The following PDLIM5 variants were observed in gnomAD, a reference collection of about 807,000 sequenced individuals.
PDLIM5 encodes the protein PDZ and LIM domain 5, also known as PDZ and LIM domain protein 5.
In PDLIM5, 34 loss-of-function variants were observed where a neutral mutation model predicts 64.2. The ratio of observed to expected loss-of-function variants is 0.53; its 90% CI spans 0.40 to 0.71. PDLIM5 has a LOEUF of 0.71. PDLIM5 is among the 30% of genes least tolerant of loss of function. The pLI, the probability that PDLIM5 is intolerant of heterozygous loss-of-function variation, is 0.00. For synonymous variants in PDLIM5, 253 were observed against 269.1 expected (o/e 0.94, Z 0.59); for missense variants, 683 against 733.6 (o/e 0.93, Z 0.80).
At chr4:94,531,915 A>G (rs1180467809) in intron 3 of PDLIM5, among the ~76,000 whole-genome samples, 2 of 151,864 alleles carry the variant, frequency 1.3e-5, no homozygotes, top group Non-Finnish European at 2.9e-5. Context: ...AAAAGATCCT[A>G]TATGTTAGAG....
At chr4:94,583,419 T>C (rs1179976341) in intron 5 of PDLIM5, among the ~76,000 whole-genome samples, 1 of 152,136 alleles carries the variant, frequency 6.6e-6, no homozygotes, top group Non-Finnish European at 1.5e-5. Flanking sequence ...ACACTTGAAA[T>C]TGGCATCATT....
At chr4:94,524,830 C>A (rs17021720) in intron 3 of PDLIM5, among the ~76,000 whole-genome samples, 20,495 of 151,954 alleles carry the variant, frequency 0.13, 2,362 homozygotes, top group African/African-American at 0.32. Context: ...TTATGACTTA[C>A]AAAGTTTGAT....
At chr4:94,611,188 T>A (rs1738335854) in intron 7 of PDLIM5, 1 of 1,534,994 alleles carries the variant, frequency 6.5e-7, no homozygotes, top group Admixed American at 2.0e-5. Context: ...TCTATCCATG[T>A]TAAGAAAACA....
At chr4:94,607,223 T>A (rs1738000767) in intron 7 of PDLIM5, among the ~76,000 whole-genome samples, 1 of 152,110 alleles carries the variant, frequency 6.6e-6, no homozygotes, top group African/African-American at 2.4e-5. Flanking sequence ...CATTTGAAAA[T>A]CAGTGTAACA....
intron 3 of PDLIM5, among the ~76,000 whole-genome samples, chr4:94,527,027 G>T (rs1434854696): frequency 7.0e-6 from 1 of 143,552 alleles, no homozygotes; most frequent in African/African-American, 2.6e-5. Context: ...GAGCCATTGC[G>T]CCCGGCCTGA....
At chr4:94,623,194 C>CCCA (rs3975193) in intron 8 of PDLIM5, among the ~76,000 whole-genome samples, 151,487 of 152,216 alleles carry the variant, frequency 1, 75,380 homozygotes, top group East Asian at 1. Context: ...CTGTCTGCTG[C>CCCA]TGGTCAAAAT....
At chr4:94,558,490 C>A (rs1292093466) in intron 3 of PDLIM5, among the ~76,000 whole-genome samples, 1 of 152,098 alleles carries the variant, frequency 6.6e-6, no homozygotes, top group Non-Finnish European at 1.5e-5. Context: ...TTTCCATTTT[C>A]CTGTCTACAT....
intron 8 of PDLIM5, among the ~76,000 whole-genome samples, chr4:94,634,636 C>T (rs1740412997): frequency 6.6e-6 from 1 of 152,166 alleles, no homozygotes; most frequent in African/African-American, 2.4e-5. Context: ...TGATTAACTT[C>T]ATGCCTATTC....
At chr4:94,612,629 A>G (rs934180477) in intron 7 of PDLIM5, among the ~76,000 whole-genome samples, 5 of 152,160 alleles carry the variant, frequency 3.3e-5, no homozygotes, top group Admixed American at 6.5e-5. Flanking sequence ...AGTCATCACC[A>G]TTGCTTCTTA....
At chr4:94,655,509 T>A (rs529873779) in intron 10 of PDLIM5, among the ~76,000 whole-genome samples, 21 of 152,184 alleles carry the variant, frequency 1.4e-4, no homozygotes, top group Non-Finnish European at 2.5e-4. Flanking sequence ...TTAAGATATC[T>A]CTTAGGATAT....
intron 3 of PDLIM5, among the ~76,000 whole-genome samples, chr4:94,537,584 T>A (rs1731422395): frequency 6.6e-6 from 1 of 152,164 alleles, no homozygotes. Context: ...GGAAGCAGCT[T>A]GTTTTTTAGT....
chr4:94,478,890 G>GTTTTTCTTTTTTTT (rs1725575133), intron 2 of PDLIM5, among the ~76,000 whole-genome samples: 1 of 94,124 alleles, frequency 1.1e-5, no homozygotes, highest in African/African-American at 4.5e-5. Flanking sequence ...TGTGCTTGGT[G>GTTTTTCTTTTTTTT]TTTTTTTTTT....
chr4:94,663,394 A>G (rs1475650198), intron 12 of PDLIM5, among the ~76,000 whole-genome samples: 2 of 152,192 alleles, frequency 1.3e-5, no homozygotes, highest in Non-Finnish European at 2.9e-5. Flanking sequence ...AACAAAGGCA[A>G]TAGGAAGAAC....
intron 2 of PDLIM5, chr4:94,456,353 C>A: frequency 1.6e-6 from 1 of 606,326 alleles, no homozygotes; most frequent in Non-Finnish European, 3.0e-6. Flanking sequence ...CATGTGCCAC[C>A]ACGCCTGGCT....
At chr4:94,533,625 A>G (rs1731078394) in intron 3 of PDLIM5, among the ~76,000 whole-genome samples, 1 of 152,220 alleles carries the variant, frequency 6.6e-6, no homozygotes, top group Non-Finnish European at 1.5e-5. Context: ...AGTTTCAGTT[A>G]ACCACTTGTA....
chr4:94,638,463 A>G (rs1464853429), intron 8 of PDLIM5, among the ~76,000 whole-genome samples: 7 of 152,212 alleles, frequency 4.6e-5, no homozygotes, highest in Admixed American at 3.9e-4. Context: ...TGAAGTGTCT[A>G]TAAATGCTGG....
At chr4:94,655,322 A>G (rs1742130378) in intron 10 of PDLIM5, among the ~76,000 whole-genome samples, 1 of 152,164 alleles carries the variant, frequency 6.6e-6, no homozygotes, top group East Asian at 1.9e-4. Flanking sequence ...GGTCAGGCAT[A>G]CTTTATGGTG....
intron 2 of PDLIM5, chr4:94,455,784 T>G: frequency 2.6e-6 from 4 of 1,518,476 alleles, no homozygotes; most frequent in Non-Finnish European, 3.5e-6. Context: ...TGATCAAAAT[T>G]GAATAAAATG....
intron 2 of PDLIM5, among the ~76,000 whole-genome samples, chr4:94,520,816 C>T (rs930275764): frequency 6.6e-6 from 1 of 151,974 alleles, no homozygotes. Flanking sequence ...GTGGAAAACT[C>T]AAGATGATTA....
Sources: gnomAD v4.1 joint callset for allele counts (sites outside exome capture counted in the v4.1 genomes callset) on GRCh38, gnomAD v4.1.1 for gene constraint, MANE v1.5 for transcripts, NCBI Gene and HGNC (gene_info 2026-07-23, HGNC 2026-07-21) for gene names.